The following SIN3A variants were observed in gnomAD, a reference collection of about 807,000 sequenced individuals.
SIN3A encodes the protein SIN3 transcription regulator family member A, also known as paired amphipathic helix protein Sin3a.
A neutral mutation model predicts 146.1 loss-of-function variants in SIN3A; 14 were observed. The ratio of observed to expected loss-of-function variants is 0.10; its 90% CI spans 0.06 to 0.15. The LOEUF (loss-of-function observed/expected upper bound fraction) is 0.15. Ranked by LOEUF, SIN3A falls within the 10% of genes least tolerant of loss-of-function variation. The pLI is 1.00. For synonymous variants in SIN3A, 572 were observed against 572.0 expected (o/e 1.00, Z 0.00); for missense variants, 1,028 against 1,576.0 (o/e 0.65, Z 5.89).
intron 20 of SIN3A, among the ~76,000 whole-genome samples, chr15:75,373,825 T>C (rs1482227641): frequency 2.0e-5 from 3 of 152,172 alleles, no homozygotes; most frequent in African/African-American, 7.2e-5. Flanking sequence ...ATATGTTGTT[T>C]ATCAGTAAGC....
chr15:75,446,811 G>A (rs530552894), intron 1 of SIN3A, among the ~76,000 whole-genome samples: 41 of 151,418 alleles, frequency 2.7e-4, no homozygotes, highest in Non-Finnish European at 5.3e-4. Flanking sequence ...TCGCTCTGTC[G>A]CCCAGGCTAG....
intron 1 of SIN3A, among the ~76,000 whole-genome samples, chr15:75,432,862 G>T (rs1035650020): frequency 2.6e-5 from 4 of 151,940 alleles, no homozygotes; most frequent in Non-Finnish European, 5.9e-5. Flanking sequence ...GGCCAACATG[G>T]TGAAACCCAG....
Position 75,379,964 on chromosome 15 carries a change from TCTACCATTCC to T in SIN3A, c.3383+655_3383+664del, listed in dbSNP as rs1324203434. Among the ~76,000 whole-genome samples the T allele has an allele frequency of 2.0e-4, 31 of 152,332 alleles. No homozygotes were observed. In the South Asian group the frequency reaches 4.6e-3, roughly 22 times the overall value. ...TGGGATCTTGGATTTTGGGCAATGT[TCTACCATTCC>T]TTAACTCATATAAGTGTCTCACTGT... On this transcript the variant is annotated intron_variant, in intron 19 of 20. Transcript: ENST00000394947.
chr15:75,384,456 A>G lies in SIN3A; in HGVS notation c.3022-19T>C. The G allele has an allele frequency of 6.4e-7, 1 of 1,572,520 alleles. No homozygotes were observed. The highest frequency in any genetic ancestry group is 8.6e-7 in the Non-Finnish European group (1 of 1,157,584). On this transcript the variant is annotated intron_variant, in intron 16 of 20. Coordinates refer to ENST00000394947, the MANE Select transcript of SIN3A (RefSeq NM_001145358.2). The stretch of plus-strand genomic sequence containing the variant: ...GCTGCAGCTGGAAGCAAACAAAGGC[A>G]AGCTTTTAGTGAACACAGAAAACAT...
chr15:75,374,649 A>G (rs1413312546), intron 20 of SIN3A, among the ~76,000 whole-genome samples: 1 of 152,224 alleles, frequency 6.6e-6, no homozygotes, highest in Non-Finnish European at 1.5e-5. Context: ...TTCTAACTTC[A>G]TGCAACCTTG....
chr15:75,454,375 CAAGCCGCCGGCGGAGTAGATAGTA>C (rs2074457385), upstream of SIN3A, among the ~76,000 whole-genome samples: 1 of 152,066 alleles, frequency 6.6e-6, no homozygotes, highest in Non-Finnish European at 1.5e-5. Flanking sequence ...GCGGGTTGCA[CAAGCCGCCGGCGGAGTAGATAGTA>C]AACAGTCTGG....
chr15:75,394,737 G>A lies in SIN3A; in HGVS notation c.2220C>T (p.Asp740=). The change falls in exon 14 of 21, where the codon GAC becomes GAT. Residue 740 remains aspartate (D), a synonymous_variant. Transcript: ENST00000394947. ...DHQGINFKQN[D]TKVLRSKSLL... is the part of the protein sequence containing the mutation. ...AGCTCTTAGACCTCAGGACCTTGGT[G>A]TCATTCTGTTTAAAGTTGATCCCCT... 6.2e-7 allele frequency: 1 copy of A among 1,614,092 alleles called. No individual in the cohort carries two copies. Among genetic ancestry groups the A allele is most frequent in the Non-Finnish European group, 8.5e-7 (1 of 1,179,988 alleles).
intron 1 of SIN3A, among the ~76,000 whole-genome samples, chr15:75,430,980 G>C (rs1490664271): frequency 6.6e-6 from 1 of 152,088 alleles, no homozygotes; most frequent in East Asian, 1.9e-4. Context: ...GTTTCACCGA[G>C]TTACCCAGGA....
intron 12 of SIN3A, among the ~76,000 whole-genome samples, chr15:75,397,903 A>G (rs2073334729): frequency 6.6e-6 from 1 of 152,232 alleles, no homozygotes; most frequent in Non-Finnish European, 1.5e-5. Context: ...CTTTAGCTTG[A>G]TAACACTCCC....
At chr15:75,451,020 C>T (rs562562458) in intron 1 of SIN3A, among the ~76,000 whole-genome samples, 1 of 151,822 alleles carries the variant, frequency 6.6e-6, no homozygotes, top group African/African-American at 2.4e-5. Context: ...GAGACCCCCC[C>T]CTACCCCTCC....
chr15:75,386,133 C>G (rs2073071718), intron 16 of SIN3A, among the ~76,000 whole-genome samples: 1 of 152,204 alleles, frequency 6.6e-6, no homozygotes, highest in Non-Finnish European at 1.5e-5. Flanking sequence ...AAGCAACCCT[C>G]CCATACCTCA....
intron 1 of SIN3A, among the ~76,000 whole-genome samples, chr15:75,441,111 C>A (rs763039630): frequency 6.6e-6 from 1 of 151,758 alleles, no homozygotes; most frequent in African/African-American, 2.4e-5. Context: ...AGCTCAAGAC[C>A]AGCCTAGCCA....
At chr15:75,394,441 G>C (rs1472897632) in intron 14 of SIN3A, among the ~76,000 whole-genome samples, 1 of 152,086 alleles carries the variant, frequency 6.6e-6, no homozygotes, top group African/African-American at 2.4e-5. Context: ...GGAGGCAGGA[G>C]GTATAAGTTG....
Position 75,430,209 on chromosome 15 carries a change from T to C in SIN3A, c.167A>G (p.Tyr56Cys). The change falls in exon 2 of 21, where the codon TAC becomes TGC. Residue 56 changes from tyrosine to cysteine, a missense_variant. By Grantham distance (194) the Tyr-to-Cys change is radical. Around this residue, in one of 9 missense-constraint regions of SIN3A, gnomAD observed 152 missense variants for 231.5 expected, o/e 0.66. Coordinates refer to ENST00000394947, the MANE Select transcript of SIN3A (RefSeq NM_001145358.2). ...ETMQSATGIQ[Y>C]SVTPSYQVSA... is the part of the protein sequence containing the mutation. ...TACCTGGTAGCTGGGTGTTACAGAG[T>C]ACTGAATTCCCGTAGCTGACTGCAT... 1 of 1,614,014 alleles carries C rather than the reference T, an allele frequency of 6.2e-7. No individual in the cohort carries two copies.
chr15:75,403,263 G>GA (rs1375128288), intron 9 of SIN3A, among the ~76,000 whole-genome samples: 2 of 151,226 alleles, frequency 1.3e-5, no homozygotes, highest in Non-Finnish European at 2.9e-5. Flanking sequence ...TTCTACTAAA[G>GA]AAAAAAATAC....
At chr15:75,389,614 T>C (rs1205431192) in intron 16 of SIN3A, 38 bp downstream of exon 16, 2 of 1,600,902 alleles carry the variant, frequency 1.2e-6, no homozygotes, top group African/African-American at 2.7e-5. Flanking sequence ...GGTAAGGATT[T>C]CTTCCCTTAC....
chr15:75,453,732 T>C (rs187935168), upstream of SIN3A: 2 of 152,376 alleles, frequency 1.3e-5, no homozygotes, highest in East Asian at 1.9e-4. Flanking sequence ...GGCACGGAAA[T>C]AGCCAAGCGA....
At chr15:75,381,572 C>G (rs1162246606) in intron 18 of SIN3A, 41 bp downstream of exon 18, 3 of 1,477,912 alleles carry the variant, frequency 2.0e-6, no homozygotes, top group Admixed American at 3.5e-5. Flanking sequence ...GGCACGCCAG[C>G]TCTGCTTGGC....
intron 1 of SIN3A, among the ~76,000 whole-genome samples, chr15:75,441,626 A>G (rs2141612436): frequency 6.6e-6 from 1 of 152,178 alleles, no homozygotes; most frequent in South Asian, 2.1e-4. Context: ...CTTGGCTTCC[A>G]TTTTGTAAAT....
Sources: gnomAD v4.1 joint callset for allele counts (sites outside exome capture counted in the v4.1 genomes callset) on GRCh38, gnomAD v4.1.1 for gene constraint, gnomAD v4.1.1 regional missense constraint, MANE v1.5 for transcripts, NCBI Gene and HGNC (gene_info 2026-07-23, HGNC 2026-07-21) for gene names.